Variants in SEC13 observed in about 807,000 individuals in gnomAD.
SEC13 encodes SEC13 homolog, nuclear pore and COPII component.
SEC13 carries 25 observed loss-of-function variants against 49.2 expected under a neutral mutation model. The observed-to-expected ratio is 0.51, with a 90% CI of 0.37 to 0.71. SEC13 has a LOEUF of 0.71. Among genes scored for constraint, SEC13 ranks in the 30% least tolerant of loss-of-function variants. The probability of loss-of-function intolerance (pLI) is 0.00; values close to 1 mark genes in which losing one functional copy is unlikely to be tolerated. For synonymous variants in SEC13, 148 were observed against 163.9 expected (o/e 0.90, Z 0.74); for missense variants, 383 against 417.6 (o/e 0.92, Z 0.72).
chr3:10,302,922 G>A (rs1700628472), intron 8 of SEC13, among the ~76,000 whole-genome samples: 1 of 152,242 alleles, frequency 6.6e-6, no homozygotes, highest in Non-Finnish European at 1.5e-5. Context: ...CATACTGCTA[G>A]TGACATAGTC....
rs1701366527 is a variant in SEC13 at position 10,312,824 on chromosome 3, G to A, written c.165-94C>T. 4 of 1,271,368 alleles carry A rather than the reference G, an allele frequency of 3.1e-6. No homozygotes were observed. In the South Asian group the frequency reaches 5.3e-5, roughly 17 times the overall value. The allele number at this position is 1,271,368 out of a possible 1,614,324, so 78.8% of individuals were successfully genotyped here. Reference sequence around the variant, plus strand: ...ATGGCTCCCTGAGACGATATATCAGGGCAGAATTGCTTAAGAACTTCAAAG... The same window carrying A: ...ATGGCTCCCTGAGACGATATATCAGAGCAGAATTGCTTAAGAACTTCAAAG... On this transcript the variant is annotated intron_variant, in intron 3 of 8. Transcript: ENST00000350697.
intron 1 of SEC13, 129 bp from the exon 2 acceptor site, chr3:10,318,223 A>G (rs1574894056): frequency 1.6e-5 from 11 of 692,068 alleles, no homozygotes; most frequent in South Asian, 6.8e-5. Context: ...CATTCTAAGT[A>G]CCTTCTTTCT....
At chr3:10,307,504 G>C (rs1353275644) in intron 5 of SEC13, among the ~76,000 whole-genome samples, 1 of 150,782 alleles carries the variant, frequency 6.6e-6, no homozygotes, top group Non-Finnish European at 1.5e-5. Flanking sequence ...TGTAGCTGGG[G>C]AGGCCTCACA....
intron 2 of SEC13, 119 bp from the exon 3 acceptor site, chr3:10,315,555 C>A: frequency 1.5e-6 from 1 of 646,834 alleles, no homozygotes. Flanking sequence ...AATCTGATCT[C>A]AAAGTATCAT....
At chr3:10,312,463 G>T in intron 4 of SEC13, 116 bp downstream of exon 4, 2 of 1,302,426 alleles carry the variant, frequency 1.5e-6, no homozygotes, top group Non-Finnish European at 2.1e-6. Context: ...GCCAACCAAA[G>T]CTCAAGAGAC....
chr3:10,306,600 T>G (rs1056601204), intron 5 of SEC13, among the ~76,000 whole-genome samples: 1 of 152,260 alleles, frequency 6.6e-6, no homozygotes, highest in Admixed American at 6.5e-5. Flanking sequence ...GATAGAGGTC[T>G]GATATGGTTT....
intron 5 of SEC13, among the ~76,000 whole-genome samples, chr3:10,307,599 C>A (rs750046702): frequency 5.3e-5 from 8 of 152,124 alleles, no homozygotes; most frequent in Non-Finnish European, 1.2e-4. Flanking sequence ...CAGGTGAACT[C>A]CCCTTCATAA....
intron 8 of SEC13, 124 bp from the exon 9 acceptor site, chr3:10,301,498 C>G: frequency 1.6e-6 from 2 of 1,221,148 alleles, no homozygotes; most frequent in Non-Finnish European, 2.3e-6. Flanking sequence ...CAGAGCATGT[C>G]CCTCCTCCAC....
At chr3:10,305,819 C>T in intron 5 of SEC13, 127 bp from the exon 6 acceptor site, 1 of 967,008 alleles carries the variant, frequency 1.0e-6, no homozygotes, top group Non-Finnish European at 1.6e-6. Context: ...ACATGAAGCA[C>T]TCATCATGGG....
At chr3:10,319,444 T>A in intron 1 of SEC13, 2 of 561,712 alleles carry the variant, frequency 3.6e-6, no homozygotes, top group Non-Finnish European at 5.9e-6. Context: ...TGCGACAGAC[T>A]AAGGAAATGA....
intron 8 of SEC13, chr3:10,303,699 A>G: frequency 2.5e-6 from 1 of 399,222 alleles, no homozygotes. Context: ...CCTTTTTGGC[A>G]CAGCTAACTG....
At chr3:10,319,405 G>A (rs1381605513) in intron 1 of SEC13, 3 of 893,886 alleles carry the variant, frequency 3.4e-6, no homozygotes, top group Non-Finnish European at 4.9e-6. Context: ...GGGAGGGCAG[G>A]GTACCAAGGG....
At position 10,301,234 on chromosome 3, in the gene SEC13, G is replaced by C. The variant is rs765660563; in HGVS notation, c.*27C>G. 1.2e-6 allele frequency: 2 copies of C among 1,614,186 alleles called. No individual in the cohort carries two copies. Among genetic ancestry groups the C allele is most frequent in the East Asian group, 4.5e-5 (2 of 44,874 alleles). ...GAAGGGGCAGTCCTGGAGCTGGCGG[G>C]TGGGGAGCCAGGCCCCACCTGTCTT... On this transcript the variant is annotated 3_prime_UTR_variant, in exon 9 of 9. Transcript: ENST00000350697.
At chr3:10,303,750 G>T (rs1700687431) in intron 8 of SEC13, 1 of 494,944 alleles carries the variant, frequency 2.0e-6, no homozygotes, top group African/African-American at 1.9e-5. Flanking sequence ...TAGGGTGATG[G>T]GCCTGACTGG....
intron 1 of SEC13, chr3:10,320,744 G>A (rs567664225): frequency 1.6e-6 from 2 of 1,280,194 alleles, no homozygotes; most frequent in Admixed American, 4.0e-5. Context: ...TGAGGGCTCG[G>A]TATACAGTAG....
chr3:10,304,024 A>G lies in SEC13; in HGVS notation c.855+2T>C. 1 of 1,613,994 alleles carries G rather than the reference A, an allele frequency of 6.2e-7. No homozygotes were observed. The highest frequency in any genetic ancestry group is 8.5e-7 in the Non-Finnish European group (1 of 1,180,012). ...ACCATGCCACGGGGAATGGGTATGT[A>G]CCTTATTGTCTCCACCAGAGACAGC... On this transcript the variant is annotated splice_donor_variant, in intron 8 of 8. Coordinates refer to ENST00000350697, the MANE Select transcript of SEC13 (RefSeq NM_183352.3). LOFTEE classifies it high-confidence loss of function.
At chr3:10,311,100 G>A (rs1423437654) in intron 5 of SEC13, among the ~76,000 whole-genome samples, 3 of 151,694 alleles carry the variant, frequency 2.0e-5, no homozygotes, top group Non-Finnish European at 4.4e-5. Flanking sequence ...CTGTGTCTGC[G>A]TGGGCTCTCT....
chr3:10,307,066 A>T (rs182002193), intron 5 of SEC13, among the ~76,000 whole-genome samples: 1,766 of 151,272 alleles, frequency 0.012, 34 homozygotes, highest in African/African-American at 0.04. Flanking sequence ...TTTTTTTTTA[A>T]AAATTGAGAC....
intron 1 of SEC13, among the ~76,000 whole-genome samples, chr3:10,318,633 C>CG (rs1331361041): frequency 1.3e-5 from 2 of 152,088 alleles, no homozygotes; most frequent in African/African-American, 4.8e-5. Flanking sequence ...TTATGCATAA[C>CG]GGGGTTATTA....
Sources: allele counts gnomAD v4.1 joint callset (sites outside exome capture counted in the v4.1 genomes callset), GRCh38; gene constraint gnomAD v4.1.1; transcripts MANE v1.5; gene names NCBI Gene and HGNC (gene_info 2026-07-23, HGNC 2026-07-21).